Variants in FRAS1 observed in about 807,000 individuals in gnomAD.
The protein encoded by FRAS1 is Fraser extracellular matrix complex subunit 1.
A neutral mutation model predicts 435.2 loss-of-function variants in FRAS1; 290 were observed. The ratio of observed to expected loss-of-function variants is 0.67; its 90% CI spans 0.61 to 0.73. The LOEUF is 0.73. FRAS1 is among the 30% of genes least tolerant of loss of function. The pLI, the probability that FRAS1 is intolerant of heterozygous loss-of-function variation, is 0.00. For missense variants in FRAS1, 4,860 were observed against 5,001.5 expected, an observed-to-expected ratio of 0.97 and a Z score of 0.85; for synonymous variants, 1,800 against 1,851.0, an observed-to-expected ratio of 0.97 and a Z score of 0.71.
At chr4:78,139,665 T>G (rs943799011) in intron 2 of FRAS1, among the ~76,000 whole-genome samples, 2 of 152,218 alleles carry the variant, frequency 1.3e-5, no homozygotes, top group African/African-American at 4.8e-5. Context: ...TGCTAAGCAC[T>G]GAATTTTGCA....
rs34507669 is a variant in FRAS1, at chr4:78,515,067, C to CAAAA, written c.10175-720_10175-717dup. ...TGGGTGACAGAGTAAGACTCCATCT[C>CAAAA]AAAAAAAAAAAAAAATTTAACCCTC... On this transcript the variant is annotated intron_variant, in intron 65 of 73. Transcript: ENST00000512123. 8.2e-4 allele frequency among the ~76,000 whole-genome samples: 112 copies of CAAAA among 136,562 alleles called. 1 individual carries two copies. Among genetic ancestry groups the CAAAA allele is most frequent in the Middle Eastern group, 6.9e-3 (2 of 288 alleles). 89.6% of individuals were successfully genotyped at this position (136,562 alleles called of 152,430 possible).
Position 78,473,456 on chromosome 4 carries a change from T to G in FRAS1, c.7541T>G (p.Leu2514Trp), listed in dbSNP as rs1159568215. 1 of 1,612,968 alleles carries G rather than the reference T, an allele frequency of 6.2e-7. No homozygotes were observed. Among genetic ancestry groups the G allele is most frequent in the South Asian group, 1.1e-5 (1 of 90,872 alleles). ...CTCACAGAGGATGTGAACTTGGGGTTGATTCGTTATGTGTTGCACAAGGAG... is the reference window on the plus strand; with the variant it reads ...CTCACAGAGGATGTGAACTTGGGGTGGATTCGTTATGTGTTGCACAAGGAG... ...TFTQEDVNLG[L>W]IRYVLHKEKI... The change falls in exon 53 of 74, where the codon TTG becomes TGG. Residue 2514 changes from leucine (L) to tryptophan (W), a missense_variant. Transcript: ENST00000512123.
At chr4:78,382,359 G>A (rs1732054111) in intron 27 of FRAS1, among the ~76,000 whole-genome samples, 1 of 150,960 alleles carries the variant, frequency 6.6e-6, no homozygotes, top group Admixed American at 6.6e-5. Flanking sequence ...TTATAATGCT[G>A]TATTTTATTA....
chr4:78,317,724 AT>A (rs899325131), intron 17 of FRAS1, among the ~76,000 whole-genome samples: 27 of 151,694 alleles, frequency 1.8e-4, no homozygotes, highest in African/African-American at 3.4e-4. Context: ...AAGTGTTATG[AT>A]TTTTTTTTCT....
intron 2 of FRAS1, among the ~76,000 whole-genome samples, chr4:78,117,363 A>T (rs187833934): frequency 5.3e-5 from 8 of 152,216 alleles, no homozygotes; most frequent in African/African-American, 1.7e-4. Flanking sequence ...TATTTCCTAC[A>T]TTTGAATGTT....
chr4:78,381,521 T>C (rs1732015646), intron 27 of FRAS1, among the ~76,000 whole-genome samples: 1 of 152,196 alleles, frequency 6.6e-6, no homozygotes. Flanking sequence ...AACTCCTGAC[T>C]GCAAGTGATC....
At chr4:78,516,161 T>A (rs1001209371) in intron 66 of FRAS1, 148 bp downstream of exon 66, 1 of 627,886 alleles carries the variant, frequency 1.6e-6, no homozygotes, top group Non-Finnish European at 2.7e-6. Context: ...TCAAGCAAGA[T>A]CTTGGCAGCA....
rs542562047 is a variant in FRAS1, at chr4:78,435,839, A to G, written c.5218-2731A>G. 1.8e-4 allele frequency among the ~76,000 whole-genome samples: 28 copies of G among 152,318 alleles called. No individual in the cohort carries two copies. The South Asian group carries it at 5.4e-3, about 29-fold the overall frequency. On this transcript the variant is annotated intron_variant, in intron 38 of 73. Transcript: ENST00000512123. Reference sequence around the variant, plus strand: ...GCACAAAATGATTATATGTATGACAAAAAAGGAATTTGTATACTGCCTCAC... The same window carrying G: ...GCACAAAATGATTATATGTATGACAGAAAAGGAATTTGTATACTGCCTCAC...
intron 10 of FRAS1, among the ~76,000 whole-genome samples, chr4:78,280,716 A>C (rs988016553): frequency 6.6e-6 from 1 of 152,010 alleles, no homozygotes; most frequent in South Asian, 2.1e-4. Flanking sequence ...TGTGTACTGT[A>C]ATCTTCGGCA....
chr4:78,419,797 T>G (rs1578312270), intron 33 of FRAS1, among the ~76,000 whole-genome samples: 1 of 151,650 alleles, frequency 6.6e-6, no homozygotes, highest in Non-Finnish European at 1.5e-5. Flanking sequence ...TGGCGGAAGG[T>G]GAAGGGGAAG....
intron 9 of FRAS1, among the ~76,000 whole-genome samples, chr4:78,276,936 G>A (rs1378294687): frequency 6.6e-6 from 1 of 152,178 alleles, no homozygotes; most frequent in Non-Finnish European, 1.5e-5. Flanking sequence ...AGGTAGGCAG[G>A]CCTCCTTGAG....
At chr4:78,257,607 G>T (rs1725852872) in intron 6 of FRAS1, among the ~76,000 whole-genome samples, 1 of 152,132 alleles carries the variant, frequency 6.6e-6, no homozygotes. Context: ...TTTGGCAAGG[G>T]TGGACAAGCT....
At chr4:78,518,507 GAACT>G (rs1228576148) in intron 66 of FRAS1, among the ~76,000 whole-genome samples, 1 of 149,112 alleles carries the variant, frequency 6.7e-6, no homozygotes, top group African/African-American at 2.5e-5. Context: ...AAAAATGTGT[GAACT>G]AACTCCCCAT....
At chr4:78,438,019 C>CTTTTTTTTTTTTTTTTTTTTT (rs1553960035) in intron 38 of FRAS1, among the ~76,000 whole-genome samples, 56 of 150,048 alleles carry the variant, frequency 3.7e-4, no homozygotes, top group Middle Eastern at 3.5e-3. Flanking sequence ...TTCATACATT[C>CTTTTTTTTTTTTTTTTTTTTT]TTTTGTTAAT....
At chr4:78,154,198 T>TA (rs886880534) in intron 2 of FRAS1, among the ~76,000 whole-genome samples, 1 of 152,160 alleles carries the variant, frequency 6.6e-6, no homozygotes, top group African/African-American at 2.4e-5. Flanking sequence ...GAAATAACCC[T>TA]ACTCACTATC....
Position 78,526,585 on chromosome 4 carries a change from C to T in FRAS1, c.10853C>T (p.Thr3618Ile), listed in dbSNP as rs1328719502. ...TACACCATCTACCTGATCCCTTGCA[C>T]AGTGCAGCCCACACAGCCATGGGTT... Reference protein sequence around the residue: ...GEYTIYLIPCTVQPTQPWVDP... With the variant: ...GEYTIYLIPCIVQPTQPWVDP... The change falls in exon 70 of 74, where the codon ACA (threonine) becomes ATA (isoleucine). Residue 3618 changes from threonine to isoleucine, a missense_variant. Physicochemically the swap from Thr to Ile is moderately conservative, Grantham distance 89 (BLOSUM62 -1). Coordinates refer to ENST00000512123, the MANE Select transcript of FRAS1 (RefSeq NM_025074.7). 6.2e-7 allele frequency: 1 copy of T among 1,602,192 alleles called. No homozygotes were observed. The highest frequency in any genetic ancestry group is 1.7e-5 in the Admixed American group (1 of 58,666).
At chr4:78,109,007 G>C (rs1158613476) in intron 2 of FRAS1, among the ~76,000 whole-genome samples, 3 of 48,186 alleles carry the variant, frequency 6.2e-5, no homozygotes, top group Non-Finnish European at 1.1e-4. Context: ...AGAAGAAATG[G>C]ATACATTCCT....
chr4:78,091,623 TTGTGTG>T (rs10631175), intron 2 of FRAS1, among the ~76,000 whole-genome samples: 87 of 148,202 alleles, frequency 5.9e-4, no homozygotes, highest in Non-Finnish European at 9.7e-4. Flanking sequence ...ACACGTGTGT[TTGTGTG>T]TGTGTGTGTG....
intron 65 of FRAS1, among the ~76,000 whole-genome samples, chr4:78,514,428 T>A (rs1721143091): frequency 6.6e-6 from 1 of 152,252 alleles, no homozygotes; most frequent in Admixed American, 6.5e-5. Context: ...CACTTAACAG[T>A]GTTTTTGAAG....
Sources: gnomAD v4.1 joint callset for allele counts (sites outside exome capture counted in the v4.1 genomes callset) on GRCh38, gnomAD v4.1.1 for gene constraint, MANE v1.5 for transcripts, NCBI Gene and HGNC (gene_info 2026-07-23, HGNC 2026-07-21) for gene names.